HDAC9: variants seen among roughly 807,000 people sequenced by gnomAD.
HDAC9 encodes the protein histone deacetylase 9.
In HDAC9, 41 loss-of-function variants were observed where a neutral mutation model predicts 139.4. The ratio of observed to expected loss-of-function variants is 0.29; its 90% CI spans 0.23 to 0.38. The LOEUF is 0.38. Among genes scored for constraint, HDAC9 ranks in the 10% least tolerant of loss-of-function variants. HDAC9 has a pLI of 1.00. For missense variants in HDAC9, 1,147 were observed against 1,297.0 expected (o/e 0.88, Z 1.78); for synonymous variants, 517 against 476.2 (o/e 1.09, Z -1.12).
At chr7:18,416,074 A>T (rs1005724837) in intron 1 of HDAC9, among the ~76,000 whole-genome samples, 2 of 152,174 alleles carry the variant, frequency 1.3e-5, no homozygotes, top group African/African-American at 2.4e-5. Flanking sequence ...TGGGCGGATC[A>T]CCTGAGGTCA....
At chr7:18,922,137 G>A (rs1232528062) in intron 22 of HDAC9, among the ~76,000 whole-genome samples, 2 of 151,322 alleles carry the variant, frequency 1.3e-5, no homozygotes, top group African/African-American at 2.4e-5. Context: ...TAAATGACGA[G>A]TTAATGGGTG....
chr7:18,688,320 C>T (rs946962118), intron 12 of HDAC9, among the ~76,000 whole-genome samples: 1 of 151,586 alleles, frequency 6.6e-6, no homozygotes, highest in Non-Finnish European at 1.5e-5. Flanking sequence ...CTGCTGACAC[C>T]GGGAATGCAT....
intron 23 of HDAC9, among the ~76,000 whole-genome samples, chr7:18,941,134 A>G (rs908211861): frequency 6.6e-6 from 1 of 150,422 alleles, no homozygotes; most frequent in African/African-American, 2.4e-5. Flanking sequence ...TAAAATTTGG[A>G]TTCTGATTTC....
chr7:18,738,699 C>T (rs908587684), intron 13 of HDAC9, among the ~76,000 whole-genome samples: 5 of 152,138 alleles, frequency 3.3e-5, no homozygotes, highest in African/African-American at 1.2e-4. Flanking sequence ...AACACTTTTT[C>T]CTTCATTTCA....
At chr7:18,126,585 A>G (rs1269086851) in intron 1 of HDAC9, among the ~76,000 whole-genome samples, 1 of 152,154 alleles carries the variant, frequency 6.6e-6, no homozygotes, top group African/African-American at 2.4e-5. Context: ...ACACATCTAT[A>G]TTGGTGAGCT....
At chr7:18,799,038 AAGACACAC>A (rs1176852046) in intron 17 of HDAC9, among the ~76,000 whole-genome samples, 10,535 of 143,486 alleles carry the variant, frequency 0.073, 587 homozygotes, top group African/African-American at 0.11. Context: ...AATGTGCCCT[AAGACACAC>A]ACACACACAC....
At chr7:18,186,767 G>A (rs1187803739) in intron 2 of HDAC9, among the ~76,000 whole-genome samples, 2 of 152,148 alleles carry the variant, frequency 1.3e-5, no homozygotes, top group Non-Finnish European at 2.9e-5. Flanking sequence ...AAGGACAGAT[G>A]ATCAAATAAG....
intron 25 of HDAC9, among the ~76,000 whole-genome samples, chr7:18,985,482 G>C (rs186718113): frequency 6.5e-4 from 99 of 152,256 alleles, no homozygotes; most frequent in African/African-American, 2.3e-3. Context: ...TTGGACATTT[G>C]GGTTGGTTCC....
intron 6 of HDAC9, among the ~76,000 whole-genome samples, chr7:18,612,583 AATG>A (rs1562575394): frequency 6.6e-6 from 1 of 152,084 alleles, no homozygotes; most frequent in Non-Finnish European, 1.5e-5. Flanking sequence ...CACAGAATTC[AATG>A]ATGAAGAACT....
chr7:18,880,828 A>G (rs371048619), intron 22 of HDAC9, among the ~76,000 whole-genome samples: 1 of 103,602 alleles, frequency 9.7e-6, no homozygotes, highest in Non-Finnish European at 2.1e-5. Context: ...TTAAAAAAGA[A>G]TAGTTAATAG....
intron 2 of HDAC9, among the ~76,000 whole-genome samples, chr7:18,548,855 G>T (rs1816119235): frequency 6.6e-6 from 1 of 152,208 alleles, no homozygotes; most frequent in Middle Eastern, 3.2e-3. Context: ...TGCTAGTGAG[G>T]ATGTGGATAA....
chr7:18,337,645 GTA>G (rs575948102), intron 1 of HDAC9, among the ~76,000 whole-genome samples: 154 of 151,812 alleles, frequency 1.0e-3, no homozygotes, highest in African/African-American at 3.6e-3. Context: ...TGCAGCGTGT[GTA>G]TGTGCTGAAC....
intron 1 of HDAC9, among the ~76,000 whole-genome samples, chr7:18,092,126 C>T (rs528620349): frequency 4.1e-4 from 63 of 152,236 alleles, no homozygotes; most frequent in Non-Finnish European, 7.4e-4. Context: ...TGGCTTATGC[C>T]GGTAATCCCA....
intron 2 of HDAC9, among the ~76,000 whole-genome samples, chr7:18,190,408 G>A (rs1680765983): frequency 6.6e-6 from 1 of 152,176 alleles, no homozygotes; most frequent in African/African-American, 2.4e-5. Context: ...TAGGGATAGG[G>A]ACACACATGT....
chr7:18,885,545 G>A (rs1020812239), intron 22 of HDAC9, among the ~76,000 whole-genome samples: 1 of 152,028 alleles, frequency 6.6e-6, no homozygotes, highest in African/African-American at 2.4e-5. Flanking sequence ...AAAAGTAACA[G>A]AAAAATTAAG....
chr7:18,567,223 G>A (rs1237317925), intron 2 of HDAC9, among the ~76,000 whole-genome samples: 2 of 152,060 alleles, frequency 1.3e-5, no homozygotes, highest in African/African-American at 4.8e-5. Context: ...CTGATGTGGC[G>A]GGTTGAATTT....
intron 21 of HDAC9, among the ~76,000 whole-genome samples, chr7:18,843,526 T>G (rs1370110732): frequency 1.3e-5 from 2 of 152,118 alleles, no homozygotes; most frequent in African/African-American, 4.8e-5. Flanking sequence ...TTCTTCATAG[T>G]TCTAGTGAAT....
At chr7:18,577,195 C>G (rs1018961191) in intron 2 of HDAC9, among the ~76,000 whole-genome samples, 2 of 152,222 alleles carry the variant, frequency 1.3e-5, no homozygotes, top group African/African-American at 4.8e-5. Flanking sequence ...GTCTCTCTGA[C>G]AGTGGTGGCC....
chr7:18,253,556 G>C (rs938680422), intron 2 of HDAC9, among the ~76,000 whole-genome samples: 1 of 152,048 alleles, frequency 6.6e-6, no homozygotes, highest in African/African-American at 2.4e-5. Flanking sequence ...GTCTTCTTTT[G>C]AAAAGTGTCT....
Sources: allele counts gnomAD v4.1 joint callset (sites outside exome capture counted in the v4.1 genomes callset), GRCh38; gene constraint gnomAD v4.1.1; transcripts MANE v1.5; gene names NCBI Gene and HGNC (gene_info 2026-07-23, HGNC 2026-07-21).